WDR48: variants seen among roughly 807,000 people sequenced by gnomAD.
WDR48 encodes the protein WD repeat-containing protein 48.
Under a neutral mutation model 94.0 loss-of-function variants are expected in WDR48, and 22 were observed. That is an observed-to-expected ratio of 0.23 (90% confidence interval 0.17 to 0.33). The LOEUF (loss-of-function observed/expected upper bound fraction) is 0.33. Among genes scored for constraint, WDR48 ranks in the 10% least tolerant of loss-of-function variants. The pLI is 1.00. For missense variants in WDR48, 541 were observed against 813.8 expected, an observed-to-expected ratio of 0.66 and a Z score of 4.08; for synonymous variants, 278 against 280.5, an observed-to-expected ratio of 0.99 and a Z score of 0.09.
At chr3:39,080,906 G>A (rs945490728) in intron 11 of WDR48, among the ~76,000 whole-genome samples, 10 of 152,214 alleles carry the variant, frequency 6.6e-5, no homozygotes, top group African/African-American at 1.7e-4. Context: ...TAAATATAAG[G>A]AAGTAACAGG....
intron 8 of WDR48, among the ~76,000 whole-genome samples, chr3:39,076,905 T>A (rs1489291928): frequency 6.6e-6 from 1 of 152,246 alleles, no homozygotes; most frequent in African/African-American, 2.4e-5. Context: ...CTTAAAATTA[T>A]TGGCCACTGT....
chr3:39,094,511 C>T (rs1195454980), intron 18 of WDR48, 137 bp from the exon 19 acceptor site: 20 of 1,537,898 alleles, frequency 1.3e-5, no homozygotes, highest in Admixed American at 7.8e-5. Flanking sequence ...GCATGGAAGC[C>T]GTGACAGCAA....
intron 11 of WDR48, among the ~76,000 whole-genome samples, chr3:39,082,473 C>T (rs973992119): frequency 6.6e-6 from 1 of 151,848 alleles, no homozygotes; most frequent in Non-Finnish European, 1.5e-5. Context: ...GTAGAGACAG[C>T]GTTTCTCCTT....
rs1027341864 is a variant in WDR48, at chr3:39,078,175, T to G, written c.1011T>G (p.Asp337Glu). ...KGIHNFRASG[D>E]YDNDCTNPIT... Reference sequence around the variant, plus strand: ...TTCATAATTTTAGAGCCTCTGGAGATTATGACAATGACTGTACAAATCCTA... The same window carrying G: ...TTCATAATTTTAGAGCCTCTGGAGAGTATGACAATGACTGTACAAATCCTA... The change falls in exon 10 of 19, where the codon GAT (aspartate) becomes GAG (glutamate). Residue 337 changes from aspartate (D) to glutamate (E), a missense_variant. Physicochemically the swap from Asp to Glu is conservative, Grantham distance 45 (BLOSUM62 2). Transcript: ENST00000302313. 1 of 1,612,422 alleles carries G rather than the reference T, an allele frequency of 6.2e-7. No homozygotes were observed. The highest frequency in any genetic ancestry group is 1.3e-5 in the African/African-American group (1 of 74,802).
chr3:39,060,971 TAAAAAC>T (rs1271443862), intron 1 of WDR48, among the ~76,000 whole-genome samples: 1 of 152,134 alleles, frequency 6.6e-6, no homozygotes, highest in African/African-American at 2.4e-5. Context: ...TCTCAAAAAA[TAAAAAC>T]AAAAATTATT....
chr3:39,080,686 T>A (rs2034472923), intron 11 of WDR48, among the ~76,000 whole-genome samples: 2 of 152,166 alleles, frequency 1.3e-5, no homozygotes, highest in African/African-American at 4.8e-5. Flanking sequence ...AGGAACAGAT[T>A]TCAGGATAGC....
chr3:39,084,019 C>T lies in WDR48; in HGVS notation c.1174-136C>T. The T allele has an allele frequency of 3.8e-5, 20 of 531,880 alleles. No individual in the cohort carries two copies. In the South Asian group the frequency reaches 3.9e-4, roughly 10 times the overall value. 32.9% of individuals were successfully genotyped at this position (531,880 alleles called of 1,614,324 possible). ...GCAGATTGTTATTTTAAAAAAGGAC[C>T]ACATTCTTTTTGAAATGTATTTTAG... On this transcript the variant is annotated intron_variant, in intron 11 of 18. Coordinates refer to ENST00000302313, the MANE Select transcript of WDR48 (RefSeq NM_020839.4).
chr3:39,089,242 G>A lies in WDR48; in HGVS notation c.1592G>A (p.Arg531Gln), dbSNP rs1015083432. The change falls in exon 16 of 19, where the codon CGA (arginine) becomes CAA (glutamine). Residue 531 changes from arginine (R) to glutamine (Q), a missense_variant. Arg to Gln is a conservative substitution (Grantham distance 43, BLOSUM62 1). Transcript: ENST00000302313. The stretch of plus-strand genomic sequence containing the variant: ...TGGTTTATGTTTAGGCTGCTCTGCC[G>A]AGATTCCGGGGGTGAGACTGAGTCT... ...GGRTLFRLLC[R>Q]DSGGETESML... 2.3e-5 allele frequency: 37 copies of A among 1,613,064 alleles called. No individual in the cohort carries two copies. The highest frequency in any genetic ancestry group is 3.1e-5 in the Non-Finnish European group (36 of 1,179,568).
intron 7 of WDR48, among the ~76,000 whole-genome samples, chr3:39,070,530 C>T (rs2033865321): frequency 1.3e-5 from 2 of 152,202 alleles, no homozygotes; most frequent in African/African-American, 2.4e-5. Flanking sequence ...TAAAATTTCA[C>T]GTCTAAGAAA....
At chr3:39,069,841 CTTATTA>C in intron 7 of WDR48, 97 bp downstream of exon 7, 2 of 963,866 alleles carry the variant, frequency 2.1e-6, no homozygotes, top group Non-Finnish European at 2.9e-6. Flanking sequence ...GAAAGCCACA[CTTATTA>C]TAAATTGTCT....
intron 1 of WDR48, among the ~76,000 whole-genome samples, chr3:39,056,182 G>A (rs1005964220): frequency 6.6e-6 from 1 of 152,214 alleles, no homozygotes; most frequent in South Asian, 2.1e-4. Context: ...TTTCCTTATT[G>A]AAGATATTGC....
Position 39,094,023 on chromosome 3 carries a change from C to T in WDR48, c.1895C>T (p.Ala632Val). 2 of 1,613,866 alleles carry T rather than the reference C, an allele frequency of 1.2e-6. No homozygotes were observed. Among genetic ancestry groups the T allele is most frequent in the South Asian group, 2.2e-5 (2 of 91,006 alleles). The change falls in exon 18 of 19, where the codon GCT (alanine) becomes GTT (valine). Residue 632 changes from alanine to valine, a missense_variant. Physicochemically the swap from Ala to Val is moderately conservative, Grantham distance 64. This residue lies in a region of WDR48 where 109 missense variants were observed against 195.5 expected (regional missense o/e 0.56). Coordinates refer to ENST00000302313, the MANE Select transcript of WDR48 (RefSeq NM_020839.4). ...GAACAGGAAAAAGAAGAAGATATTG[C>T]TGTGTTGGCAGAGGAGAAAATTGAA... ...PGEQEKEEDI[A>V]VLAEEKIELL...
chr3:39,060,610 A>G (rs184017825), intron 1 of WDR48, among the ~76,000 whole-genome samples: 1 of 152,354 alleles, frequency 6.6e-6, no homozygotes, highest in African/African-American at 2.4e-5. Context: ...CGTAAAGATT[A>G]CCATCTTTCT....
In WDR48 at chr3:39,066,567, C is replaced by T. The variant is rs763304850; in HGVS notation, c.288C>T (p.Asp96=). The change falls in exon 4 of 19, where the codon GAC becomes GAT. Residue 96 remains aspartate (D), a synonymous_variant. Coordinates refer to ENST00000302313, the MANE Select transcript of WDR48 (RefSeq NM_020839.4). ...NGKTLISASS[D]TTVKVWNAHK... is the part of the protein sequence containing the mutation. Reference sequence around the variant, plus strand: ...TTCTAGTAATATCTGCTTCTTCTGACACGACAGTAAAAGTATGGAATGCAC... The same window carrying T: ...TTCTAGTAATATCTGCTTCTTCTGATACGACAGTAAAAGTATGGAATGCAC... The T allele has an allele frequency of 1.2e-5, 20 of 1,613,708 alleles. No homozygotes were observed. Among genetic ancestry groups the T allele is most frequent in the Non-Finnish European group, 1.7e-5 (20 of 1,179,868 alleles).
intron 16 of WDR48, chr3:39,089,698 C>T (rs1242406504): frequency 6.4e-6 from 1 of 155,294 alleles, no homozygotes; most frequent in African/African-American, 2.4e-5. Context: ...TATTTGTGTA[C>T]ATAGATGTGT....
chr3:39,091,548 C>A, intron 16 of WDR48, 77 bp from the exon 17 acceptor site: 2 of 1,076,266 alleles, frequency 1.9e-6, no homozygotes, highest in South Asian at 3.3e-5. Flanking sequence ...ACTTGCAAGT[C>A]ATGTTTTCCT....
At chr3:39,077,262 A>G (rs1453295927) in intron 9 of WDR48, 49 bp downstream of exon 9, 3 of 1,605,454 alleles carry the variant, frequency 1.9e-6, no homozygotes, top group Admixed American at 1.7e-5. Flanking sequence ...GTATTTTGTT[A>G]TCACAGACCT....
intron 14 of WDR48, 107 bp downstream of exon 14, chr3:39,085,717 T>C: frequency 1.1e-6 from 1 of 920,114 alleles, no homozygotes. Flanking sequence ...ATTTGTGGTG[T>C]ACTCAGTTTA....
intron 7 of WDR48, among the ~76,000 whole-genome samples, chr3:39,071,405 T>C (rs2033928414): frequency 6.6e-6 from 1 of 152,238 alleles, no homozygotes; most frequent in Non-Finnish European, 1.5e-5. Context: ...CTTGAGATGG[T>C]TGCCCGTGTC....
Sources: allele counts gnomAD v4.1 joint callset (sites outside exome capture counted in the v4.1 genomes callset), GRCh38; gene constraint gnomAD v4.1.1; regional missense constraint gnomAD v4.1.1; transcripts MANE v1.5; gene names NCBI Gene and HGNC (gene_info 2026-07-23, HGNC 2026-07-21).